Variants in PIK3CA observed in about 807,000 individuals in gnomAD.
PIK3CA encodes phosphatidylinositol 4,5-bisphosphate 3-kinase catalytic subunit alpha isoform.
In PIK3CA, 27 loss-of-function variants were observed where a neutral mutation model predicts 138.2. That is an observed-to-expected ratio of 0.20 (90% CI 0.14 to 0.27). PIK3CA has a LOEUF of 0.27. PIK3CA is among the 10% of genes least tolerant of loss of function. The pLI, the probability that PIK3CA is intolerant of heterozygous loss-of-function variation, is 1.00. For synonymous variants in PIK3CA, 358 were observed against 413.2 expected, an observed-to-expected ratio of 0.87 and a Z score of 1.62; for missense variants, 544 against 1,277.4, an observed-to-expected ratio of 0.43 and a Z score of 8.75.
Position 179,222,952 on chromosome 3 carries a change from G to T in PIK3CA, c.2188-1129G>T, listed in dbSNP as rs540670596. Among the ~76,000 whole-genome samples, 62 of 152,252 alleles carry T rather than the reference G, an allele frequency of 4.1e-4. 2 individuals are homozygous for T. In the South Asian group the frequency reaches 0.013, roughly 31 times the overall value. On this transcript the variant is annotated intron_variant, in intron 14 of 20. Transcript: ENST00000263967. Reference sequence around the variant, plus strand: ...GCTGGAGTTTTTATATCACAAATTGGCTATGATACAGTGGATTAATTAGGA... The same window carrying T: ...GCTGGAGTTTTTATATCACAAATTGTCTATGATACAGTGGATTAATTAGGA...
intron 15 of PIK3CA, 31 bp from the exon 16 acceptor site, chr3:179,224,669 G>A (rs2108417681): frequency 2.1e-6 from 3 of 1,446,302 alleles, no homozygotes; most frequent in South Asian, 1.4e-5. Context: ...TAAAGCAAAG[G>A]TACCTAGTAA....
chr3:179,232,828 T>C (rs1204705787), intron 20 of PIK3CA, among the ~76,000 whole-genome samples: 2 of 152,040 alleles, frequency 1.3e-5, no homozygotes, highest in Non-Finnish European at 2.9e-5. Context: ...CCTGAGACTT[T>C]ACTGAATTCA....
rs777901394 is a variant in PIK3CA at position 179,210,231 on chromosome 3, A to G, written c.1297A>G (p.Thr433Ala). The G allele has an allele frequency of 3.8e-6, 6 of 1,592,352 alleles. 1 individual carries two copies. In the South Asian group the frequency reaches 7.0e-5, roughly 19 times the overall value. Residue 433 changes from threonine to alanine, a missense_variant, in exon 8 of 21, where the codon ACA becomes GCA. Thr to Ala is a moderately conservative substitution (Grantham distance 58). Coordinates refer to ENST00000263967, the MANE Select transcript of PIK3CA (RefSeq NM_006218.4). The stretch of plus-strand genomic sequence containing the variant: ...GGGAAATATAAACTTGTTTGATTAC[A>G]CAGACACTCTAGTATCTGGAAAAAT... ...AWGNINLFDY[T>A]DTLVSGKMAL...
At chr3:179,177,407 G>A (rs920629758) in intron 1 of PIK3CA, among the ~76,000 whole-genome samples, 12 of 148,072 alleles carry the variant, frequency 8.1e-5, no homozygotes, top group Admixed American at 2.1e-4. Context: ...CCGCCTCCTC[G>A]TTTCAAGTGA....
chr3:179,234,410 A>C lies in PIK3CA; in HGVS notation c.*46A>C, dbSNP rs1235172400. 1.3e-6 allele frequency: 2 copies of C among 1,499,368 alleles called. No homozygotes were observed. 92.9% of individuals were successfully genotyped at this position (1,499,368 alleles called of 1,614,324 possible). On this transcript the variant is annotated 3_prime_UTR_variant, in exon 21 of 21. Transcript: ENST00000263967. The surrounding 1 kb of genome is among the most constrained non-coding windows in gnomAD (Gnocchi z 5.1). ...AAGCTCACTCTGGATTCCACACTGC[A>C]CTGTTAATAACTCTCAGCAGGCAAA...
intron 3 of PIK3CA, among the ~76,000 whole-genome samples, chr3:179,200,107 A>T (rs1377033038): frequency 6.6e-6 from 1 of 152,000 alleles, no homozygotes; most frequent in Non-Finnish European, 1.5e-5. Flanking sequence ...TGTGAATATG[A>T]TACTGATTTC....
chr3:179,209,842 A>G (rs1724662286), intron 7 of PIK3CA, 142 bp downstream of exon 7: 2 of 466,712 alleles, frequency 4.3e-6, no homozygotes, highest in Admixed American at 3.9e-5. Flanking sequence ...TAATAAATGT[A>G]TCATGGAAGA....
intron 6 of PIK3CA, among the ~76,000 whole-genome samples, chr3:179,207,098 C>T (rs1360524547): frequency 6.6e-6 from 1 of 151,882 alleles, no homozygotes; most frequent in Non-Finnish European, 1.5e-5. Context: ...CTTTTCTGTG[C>T]TTACAAAAAC....
chr3:179,173,933 G>C (rs552713921), intron 1 of PIK3CA, among the ~76,000 whole-genome samples: 170 of 151,604 alleles, frequency 1.1e-3, no homozygotes, highest in Non-Finnish European at 2.0e-3. Flanking sequence ...TCGCTATATT[G>C]GCCAGGCTGG....
At chr3:179,164,086 A>T (rs962391782) in intron 1 of PIK3CA, among the ~76,000 whole-genome samples, 1 of 152,240 alleles carries the variant, frequency 6.6e-6, no homozygotes, top group Non-Finnish European at 1.5e-5. Context: ...AAGAGTTTAC[A>T]ATAATTTGCG....
chr3:179,212,805 C>T (rs1272439028), intron 9 of PIK3CA, among the ~76,000 whole-genome samples: 2 of 152,082 alleles, frequency 1.3e-5, no homozygotes, highest in Admixed American at 6.6e-5. Context: ...ATTTTCTCTT[C>T]CTTATGATTT....
Position 179,224,191 on chromosome 3 carries a change from CT to C in PIK3CA, c.2294+7del, listed in dbSNP as rs1238594183. ...CTCATCAACTAGGAAACCTCAGGTA[CT>C]TTCTTGGGGGTTTCATTGATATATT... On this transcript the variant is annotated splice_donor_5th_base_variant and intron_variant, in intron 15 of 20. Coordinates refer to ENST00000263967, the MANE Select transcript of PIK3CA (RefSeq NM_006218.4). 1.4e-6 allele frequency: 2 copies of C among 1,434,814 alleles called. No homozygotes were observed. The highest frequency in any genetic ancestry group is 1.9e-6 in the Non-Finnish European group (2 of 1,029,436). 88.9% of individuals were successfully genotyped at this position (1,434,814 alleles called of 1,614,324 possible).
intron 1 of PIK3CA, among the ~76,000 whole-genome samples, chr3:179,161,825 G>T (rs1192621624): frequency 6.6e-6 from 1 of 152,164 alleles, no homozygotes; most frequent in Non-Finnish European, 1.5e-5. Flanking sequence ...TTCATCTGGG[G>T]AATGAAACAG....
At chr3:179,159,031 C>G (rs1027250590) in intron 1 of PIK3CA, among the ~76,000 whole-genome samples, 1 of 151,702 alleles carries the variant, frequency 6.6e-6, no homozygotes, top group Admixed American at 6.6e-5. Context: ...TCTCATATAC[C>G]AGGATAATAG....
At chr3:179,185,542 T>C (rs922343392) in intron 1 of PIK3CA, among the ~76,000 whole-genome samples, 4 of 152,162 alleles carry the variant, frequency 2.6e-5, no homozygotes, top group Non-Finnish European at 5.9e-5. Flanking sequence ...ACTATCTGCC[T>C]AGAGATAGCA....
chr3:179,170,128 A>G (rs1050336918), intron 1 of PIK3CA, among the ~76,000 whole-genome samples: 7 of 152,142 alleles, frequency 4.6e-5, no homozygotes, highest in South Asian at 2.1e-4. Flanking sequence ...ATAGAAAGCT[A>G]TTCTTTGACG....
At chr3:179,159,782 TA>T (rs1305932833) in intron 1 of PIK3CA, among the ~76,000 whole-genome samples, 6 of 152,194 alleles carry the variant, frequency 3.9e-5, no homozygotes, top group Admixed American at 3.9e-4. Flanking sequence ...GACACAAACT[TA>T]GATGGTATAG....
At chr3:179,176,648 A>G (rs1322726717) in intron 1 of PIK3CA, among the ~76,000 whole-genome samples, 3 of 152,162 alleles carry the variant, frequency 2.0e-5, no homozygotes, top group Non-Finnish European at 2.9e-5. Context: ...CTACAAGTCT[A>G]TATCATTGAT....
At chr3:179,227,510 A>G (rs917770075) in intron 17 of PIK3CA, among the ~76,000 whole-genome samples, 1 of 152,030 alleles carries the variant, frequency 6.6e-6, no homozygotes, top group Admixed American at 6.6e-5. Context: ...GTGATTGACA[A>G]TTTGTAGGGC....
Sources: gnomAD v4.1 joint callset for allele counts (sites outside exome capture counted in the v4.1 genomes callset) on GRCh38, gnomAD v4.1.1 for gene constraint, Gnocchi (gnomAD v3.1) non-coding constraint, MANE v1.5 for transcripts, NCBI Gene and HGNC (gene_info 2026-07-23, HGNC 2026-07-21) for gene names.